VPS13C: variants seen among roughly 807,000 people sequenced by gnomAD.
VPS13C encodes the protein intermembrane lipid transfer protein VPS13C.
VPS13C carries 358 observed loss-of-function variants against 456.8 expected under a neutral mutation model. The observed-to-expected ratio is 0.78, with a 90% CI of 0.72 to 0.86. The LOEUF (loss-of-function observed/expected upper bound fraction) is 0.86. Among genes scored for constraint, VPS13C ranks in the 40% least tolerant of loss-of-function variants. VPS13C has a pLI of 0.00. For synonymous variants in VPS13C, 1,578 were observed against 1,486.7 expected (o/e 1.06, Z -1.41); for missense variants, 4,818 against 4,385.4 (o/e 1.10, Z -2.79).
intron 25 of VPS13C, among the ~76,000 whole-genome samples, chr15:61,974,053 T>C (rs2045632510): frequency 1.3e-5 from 2 of 152,136 alleles, no homozygotes; most frequent in African/African-American, 2.4e-5. Flanking sequence ...CTTATAAGCC[T>C]AACATATAAG....
chr15:61,920,411 T>C (rs2043616102), intron 56 of VPS13C, 80 bp from the exon 57 acceptor site: 1 of 1,496,096 alleles, frequency 6.7e-7, no homozygotes, highest in Non-Finnish European at 8.9e-7. Context: ...ATTACACATT[T>C]TTTGGAAACT....
In VPS13C at chr15:61,864,518, C is replaced by T. The variant is rs150041472; in HGVS notation, c.10864-990G>A. ...GAATAAATAAGACCTTGACATTTTACGACCAAGAATATAATGCCAATATTA... is the reference window on the plus strand; with the variant it reads ...GAATAAATAAGACCTTGACATTTTATGACCAAGAATATAATGCCAATATTA... On this transcript the variant is annotated intron_variant, in intron 81 of 84. Coordinates refer to ENST00000644861, the MANE Select transcript of VPS13C (RefSeq NM_020821.3). The T allele has an allele frequency of 5.0e-4, 435 of 867,350 alleles. No homozygotes were observed. In the African/African-American group the frequency reaches 6.7e-3, roughly 13 times the overall value. The allele number at this position is 867,350 out of a possible 1,614,324, so 53.7% of individuals were successfully genotyped here.
intron 16 of VPS13C, among the ~76,000 whole-genome samples, chr15:61,999,392 AAG>A (rs563952682): frequency 6.6e-5 from 10 of 151,142 alleles, no homozygotes; most frequent in Admixed American, 5.3e-4. Flanking sequence ...AAAAAAAAAA[AAG>A]AGAGAGAGAG....
chr15:61,984,771 A>C lies in VPS13C; in HGVS notation c.1721+86T>G, dbSNP rs541666922. ...GAAAAGAAATTAAAGAGCTGGCACT[A>C]ATCATTTTTAAACCTGAATAACACA... On this transcript the variant is annotated intron_variant, in intron 19 of 84. Coordinates refer to ENST00000644861, the MANE Select transcript of VPS13C (RefSeq NM_020821.3). 1.6e-5 allele frequency: 21 copies of C among 1,322,862 alleles called. No homozygotes were observed. In the East Asian group the frequency reaches 4.5e-4, roughly 29 times the overall value. The allele number at this position is 1,322,862 out of a possible 1,614,324, so 81.9% of individuals were successfully genotyped here.
At chr15:61,915,568 A>T in intron 61 of VPS13C, 65 bp downstream of exon 61, 1 of 1,470,000 alleles carries the variant, frequency 6.8e-7, no homozygotes. Context: ...GGGAAGACAA[A>T]TGACTCCCAA....
intron 58 of VPS13C, 88 bp from the exon 59 acceptor site, chr15:61,918,345 T>TA (rs1020673632): frequency 7.9e-7 from 1 of 1,267,362 alleles, no homozygotes; most frequent in Non-Finnish European, 1.1e-6. Flanking sequence ...CTTTTAGATC[T>TA]AAAAAATTTC....
At chr15:62,055,975 A>C (rs889640651) in intron 1 of VPS13C, among the ~76,000 whole-genome samples, 2 of 152,072 alleles carry the variant, frequency 1.3e-5, no homozygotes, top group African/African-American at 4.8e-5. Flanking sequence ...TGCCAATAGC[A>C]CACCTCTTCC....
chr15:61,898,250 C>T (rs1005525526), intron 66 of VPS13C, among the ~76,000 whole-genome samples: 7 of 151,708 alleles, frequency 4.6e-5, no homozygotes, highest in African/African-American at 1.7e-4. Context: ...TCACATATAA[C>T]AATATTAACT....
intron 78 of VPS13C, 132 bp downstream of exon 78, chr15:61,873,114 A>G: frequency 7.4e-7 from 1 of 1,357,118 alleles, no homozygotes; most frequent in African/African-American, 1.5e-5. Context: ...GAAACTGGGA[A>G]GTCCATCATT....
At chr15:62,029,921 G>T (rs2047755347) in intron 5 of VPS13C, among the ~76,000 whole-genome samples, 1 of 152,064 alleles carries the variant, frequency 6.6e-6, no homozygotes, top group Non-Finnish European at 1.5e-5. Flanking sequence ...TTCTAGATGT[G>T]TTCTAGGAAA....
At chr15:62,057,881 C>A (rs1029151085) in intron 1 of VPS13C, among the ~76,000 whole-genome samples, 1 of 152,136 alleles carries the variant, frequency 6.6e-6, no homozygotes, top group African/African-American at 2.4e-5. Flanking sequence ...ATTGGCATCA[C>A]CTTCGATGTT....
At chr15:61,970,309 C>T (rs2045507830) in intron 27 of VPS13C, among the ~76,000 whole-genome samples, 1 of 152,154 alleles carries the variant, frequency 6.6e-6, no homozygotes, top group South Asian at 2.1e-4. Context: ...AAAGACTATG[C>T]ACAAAATTAC....
Position 61,958,620 on chromosome 15 carries a change from C to A in VPS13C, c.4153G>T (p.Val1385Leu), listed in dbSNP as rs757713744. Residue 1385 changes from valine to leucine, a missense_variant, in exon 37 of 85, where the codon GTA becomes TTA. This residue lies in a region of VPS13C where 4,552 missense variants were observed against 4,130.6 expected (regional missense o/e 1.10). Coordinates refer to ENST00000644861, the MANE Select transcript of VPS13C (RefSeq NM_020821.3). ...TEDLDKVKPRVQETGEIKEPL... is the reference protein window; with the variant it reads ...TEDLDKVKPRLQETGEIKEPL... Reference sequence around the variant, plus strand: ...GTCAGCCTCTTACCTGTCTCTTGTACTCTTGGTTTCACTTTATCCAAGTCT... The same window carrying A: ...GTCAGCCTCTTACCTGTCTCTTGTAATCTTGGTTTCACTTTATCCAAGTCT... 1.9e-6 allele frequency: 3 copies of A among 1,568,392 alleles called. No individual in the cohort carries two copies. Among genetic ancestry groups the A allele is most frequent in the Non-Finnish European group, 2.6e-6 (3 of 1,158,152 alleles).
intron 37 of VPS13C, 89 bp from the exon 38 acceptor site, chr15:61,954,643 G>A: frequency 7.5e-7 from 1 of 1,326,380 alleles, no homozygotes; most frequent in Admixed American, 3.0e-5. Context: ...TTCTGGACCT[G>A]GTAGAGGCAA....
chr15:61,954,587 T>G (rs749809493), intron 37 of VPS13C, 33 bp from the exon 38 acceptor site: 18 of 1,554,784 alleles, frequency 1.2e-5, no homozygotes, highest in African/African-American at 2.8e-5. Context: ...ATTACTTTTA[T>G]TCACAAATTT....
At position 61,961,784 on chromosome 15, in the gene VPS13C, C is replaced by G. The variant is rs139602306; in HGVS notation, c.3713G>C (p.Arg1238Pro). 1.6e-5 allele frequency: 26 copies of G among 1,613,984 alleles called. No individual in the cohort carries two copies. The highest frequency in any genetic ancestry group is 2.0e-5 in the Non-Finnish European group (24 of 1,179,962). ...SVKDLAQRSF[R>P]VSINIDLKAP... Reference sequence around the variant, plus strand: ...TTTCAAATCAATATTGATGGAAACACGAAAACTCCTCTGGGCAAGATCTTT... The same window carrying G: ...TTTCAAATCAATATTGATGGAAACAGGAAAACTCCTCTGGGCAAGATCTTT... Residue 1238 changes from arginine (R) to proline (P), a missense_variant, in exon 35 of 85, where the codon CGT (arginine) becomes CCT (proline). By Grantham distance (103) the Arg-to-Pro change is moderately radical. Coordinates refer to ENST00000644861, the MANE Select transcript of VPS13C (RefSeq NM_020821.3).
intron 36 of VPS13C, 37 bp from the exon 37 acceptor site, chr15:61,958,753 G>A (rs779315777): frequency 2.4e-5 from 27 of 1,119,502 alleles, no homozygotes; most frequent in East Asian, 8.2e-5. Flanking sequence ...ACTATATTAC[G>A]TTTTAAAATG....
intron 82 of VPS13C, among the ~76,000 whole-genome samples, chr15:61,861,102 C>A (rs868822081): frequency 6.6e-6 from 1 of 151,786 alleles, no homozygotes; most frequent in African/African-American, 2.4e-5. Flanking sequence ...GCTGGGATTA[C>A]AGGCATGCGC....
At chr15:61,882,544 C>A in intron 69 of VPS13C, 52 bp downstream of exon 69, 1 of 1,415,126 alleles carries the variant, frequency 7.1e-7, no homozygotes, top group Non-Finnish European at 9.3e-7. Flanking sequence ...AAATTTCATT[C>A]CCAAGATTCC....
Sources: gnomAD v4.1 joint callset for allele counts (sites outside exome capture counted in the v4.1 genomes callset) on GRCh38, gnomAD v4.1.1 for gene constraint, gnomAD v4.1.1 regional missense constraint, MANE v1.5 for transcripts, NCBI Gene and HGNC (gene_info 2026-07-23, HGNC 2026-07-21) for gene names.